SLC25A26: variants seen among roughly 807,000 people sequenced by gnomAD.
The protein encoded by SLC25A26 is mitochondrial S-adenosylmethionine carrier protein.
A neutral mutation model predicts 37.8 loss-of-function variants in SLC25A26; 36 were observed. The observed-to-expected ratio is 0.95, with a 90% confidence interval of 0.73 to 1.26. SLC25A26 has a LOEUF of 1.26. Among genes scored for constraint, SLC25A26 ranks in the 50% most tolerant of loss-of-function variants. The probability of loss-of-function intolerance (pLI) is 0.00; values close to 1 mark genes in which losing one functional copy is unlikely to be tolerated. For missense variants in SLC25A26, 390 were observed against 331.1 expected (o/e 1.18, Z -1.38); for synonymous variants, 129 against 122.5 (o/e 1.05, Z -0.35).
intron 5 of SLC25A26, among the ~76,000 whole-genome samples, chr3:66,313,464 A>C (rs904741182): frequency 6.6e-6 from 1 of 151,982 alleles, no homozygotes; most frequent in Admixed American, 6.6e-5. Flanking sequence ...TCTTTATTCT[A>C]TTCCATTGGT....
At chr3:66,178,970 G>A (rs1162392005) in intron 1 of SLC25A26, among the ~76,000 whole-genome samples, 1 of 152,098 alleles carries the variant, frequency 6.6e-6, no homozygotes, top group Non-Finnish European at 1.5e-5. Context: ...GCTTTGGGGA[G>A]GCAGACAGGA....
chr3:66,377,648 T>C, intron 9 of SLC25A26, 42 bp from the exon 10 acceptor site: 1 of 1,518,300 alleles, frequency 6.6e-7, no homozygotes, highest in East Asian at 2.3e-5. Context: ...TAACCTTTTT[T>C]TAAAATACGC....
intron 5 of SLC25A26, among the ~76,000 whole-genome samples, chr3:66,290,261 C>G (rs1464877726): frequency 7.9e-5 from 12 of 151,796 alleles, no homozygotes; most frequent in Non-Finnish European, 1.5e-4. Context: ...CATCTGCAAA[C>G]AGAGACAATT....
At chr3:66,244,545 A>G (rs529781164) in intron 3 of SLC25A26, among the ~76,000 whole-genome samples, 1 of 152,346 alleles carries the variant, frequency 6.6e-6, no homozygotes, top group South Asian at 2.1e-4. Flanking sequence ...CTTAATAACA[A>G]TAGCCCACAG....
intron 1 of SLC25A26, among the ~76,000 whole-genome samples, chr3:66,208,661 G>GGT (rs1328078236): frequency 2.1e-4 from 5 of 23,760 alleles, no homozygotes; most frequent in Non-Finnish European, 3.9e-4. Context: ...CCTTTATATG[G>GGT]GTATATATAT....
chr3:66,331,181 G>A (rs1171090388), intron 5 of SLC25A26, among the ~76,000 whole-genome samples: 3 of 151,992 alleles, frequency 2.0e-5, no homozygotes, highest in Non-Finnish European at 4.4e-5. Flanking sequence ...AGTAAGAAAA[G>A]TTTTTTCTTT....
chr3:66,263,507 T>C (rs991954278), intron 5 of SLC25A26, 128 bp downstream of exon 5: 2 of 654,978 alleles, frequency 3.1e-6, no homozygotes, highest in African/African-American at 3.7e-5. Flanking sequence ...AGGGAAATTA[T>C]CGTCACTCTT....
intron 1 of SLC25A26, among the ~76,000 whole-genome samples, chr3:66,228,213 A>G (rs976280045): frequency 5.3e-5 from 8 of 152,216 alleles, no homozygotes; most frequent in South Asian, 4.1e-4. Context: ...AAGGACCACA[A>G]CTGATAACCA....
At chr3:66,149,269 G>T (rs901251721) in intron 1 of SLC25A26, among the ~76,000 whole-genome samples, 1 of 152,108 alleles carries the variant, frequency 6.6e-6, no homozygotes, top group East Asian at 1.9e-4. Context: ...AGGCAGCTTA[G>T]GAGTGCCTAA....
chr3:66,238,799 G>A (rs1293792110), intron 2 of SLC25A26, among the ~76,000 whole-genome samples: 2 of 152,078 alleles, frequency 1.3e-5, no homozygotes, highest in Non-Finnish European at 2.9e-5. Flanking sequence ...GTAGGCTGAG[G>A]AGGAGGAGGA....
chr3:66,318,869 C>CT (rs888346205), intron 5 of SLC25A26, among the ~76,000 whole-genome samples: 20 of 152,126 alleles, frequency 1.3e-4, no homozygotes, highest in Admixed American at 1.3e-3. Flanking sequence ...AGGCTGGTGT[C>CT]TAACTCCTGG....
At chr3:66,315,457 T>C (rs1480257954) in intron 5 of SLC25A26, among the ~76,000 whole-genome samples, 1 of 152,256 alleles carries the variant, frequency 6.6e-6, no homozygotes, top group African/African-American at 2.4e-5. Flanking sequence ...TCTTAAGTTC[T>C]GATTTGATTG....
intron 1 of SLC25A26, among the ~76,000 whole-genome samples, chr3:66,229,864 T>A (rs1576666847): frequency 6.7e-6 from 1 of 148,882 alleles, no homozygotes; most frequent in Non-Finnish European, 1.5e-5. Flanking sequence ...ATAGCCTCAC[T>A]AAAAAAAAAA....
At chr3:66,289,834 G>C (rs1160957056) in intron 5 of SLC25A26, among the ~76,000 whole-genome samples, 3 of 152,156 alleles carry the variant, frequency 2.0e-5, no homozygotes, top group African/African-American at 4.8e-5. Flanking sequence ...ATTTAAAGTA[G>C]TTTTTTCTAA....
intron 5 of SLC25A26, among the ~76,000 whole-genome samples, chr3:66,306,795 T>C (rs9681629): frequency 6.6e-6 from 1 of 152,166 alleles, no homozygotes; most frequent in East Asian, 1.9e-4. Context: ...CTGGGAATGA[T>C]GGTTTTTAGC....
intron 2 of SLC25A26, 159 bp downstream of exon 2, chr3:66,236,859 C>A: frequency 7.3e-6 from 2 of 274,918 alleles, no homozygotes; most frequent in Non-Finnish European, 1.1e-5. Flanking sequence ...TTATTTTAGT[C>A]ACGGTCTCAC....
At chr3:66,264,996 G>A (rs1325857765) in intron 5 of SLC25A26, among the ~76,000 whole-genome samples, 1 of 152,162 alleles carries the variant, frequency 6.6e-6, no homozygotes, top group East Asian at 1.9e-4. Context: ...CCATCACTAA[G>A]TAGTTTCAGT....
intron 5 of SLC25A26, among the ~76,000 whole-genome samples, chr3:66,340,092 A>G (rs2076174639): frequency 6.6e-6 from 1 of 151,972 alleles, no homozygotes; most frequent in Admixed American, 6.6e-5. Flanking sequence ...TTTTCCCAAT[A>G]TCGTTTGTTG....
At chr3:66,323,836 A>C (rs939823211) in intron 5 of SLC25A26, 3 of 152,180 alleles carry the variant, frequency 2.0e-5, no homozygotes, top group Non-Finnish European at 4.4e-5. Context: ...ATCAGTTAAA[A>C]TAAAGATAGT....
Sources: allele counts gnomAD v4.1 joint callset (sites outside exome capture counted in the v4.1 genomes callset), GRCh38; gene constraint gnomAD v4.1.1; transcripts MANE v1.5; gene names NCBI Gene and HGNC (gene_info 2026-07-23, HGNC 2026-07-21).